Variants in ADAMTS2 observed in about 807,000 individuals in gnomAD.
ADAMTS2 encodes A disintegrin and metalloproteinase with thrombospondin motifs 2.
In ADAMTS2, 50 loss-of-function variants were observed where a neutral mutation model predicts 123.0. That is an observed-to-expected ratio of 0.41 (90% CI 0.32 to 0.51). The LOEUF (loss-of-function observed/expected upper bound fraction) is 0.51. ADAMTS2 is among the 20% of genes least tolerant of loss of function. The pLI is 0.35. For synonymous variants in ADAMTS2, 678 were observed against 695.4 expected (o/e 0.98, Z 0.39); for missense variants, 1,494 against 1,705.2 (o/e 0.88, Z 2.18).
chr5:179,138,004 T>G, intron 11 of ADAMTS2, 60 bp from the exon 12 acceptor site: 11 of 1,518,906 alleles, frequency 7.2e-6, no homozygotes, highest in South Asian at 2.4e-5. Context: ...AGCACCCGGG[T>G]GCCCTTGTGA....
In ADAMTS2 at chr5:179,162,482, C is replaced by T. The variant is rs1031798281; in HGVS notation, c.976-3603G>A. On this transcript the variant is annotated intron_variant, in intron 5 of 21. Transcript: ENST00000251582. This position sits in a 1 kb window ranked among gnomAD's most constrained non-coding sequence, Gnocchi z 5.1. ...CTGCAGTCTCATCTGAAGGCTGTAC[C>T]GGAGGCGGGTCAGCTCCCAGGCTCA... Among the ~76,000 whole-genome samples the T allele has an allele frequency of 1.1e-4, 16 of 152,116 alleles. No individual in the cohort carries two copies. Among genetic ancestry groups the T allele is most frequent in the Admixed American group, 8.5e-4 (13 of 15,276 alleles).
intron 3 of ADAMTS2, among the ~76,000 whole-genome samples, chr5:179,231,413 AAAC>A (rs1426610733): frequency 2.4e-4 from 37 of 152,330 alleles, no homozygotes; most frequent in African/African-American, 8.7e-4. Flanking sequence ...CCACAAAAGC[AAAC>A]AACAACAGCA....
Position 179,113,848 on chromosome 5 carries a change from A to G in ADAMTS2, c.*19T>C. ...TATAAGCAAGAAAAAAATGCTAGGG[A>G]TGCTATCTTTCCATTTTATTAGAAC... On this transcript the variant is annotated 3_prime_UTR_variant, in exon 22 of 22. Transcript: ENST00000251582. 1 of 1,609,938 alleles carries G rather than the reference A, an allele frequency of 6.2e-7. No homozygotes were observed. Among genetic ancestry groups the G allele is most frequent in the South Asian group, 1.1e-5 (1 of 90,992 alleles).
chr5:179,231,105 C>A (rs997852079), intron 3 of ADAMTS2, among the ~76,000 whole-genome samples: 1 of 152,114 alleles, frequency 6.6e-6, no homozygotes, highest in Non-Finnish European at 1.5e-5. Context: ...TACGCAGACC[C>A]CCTCCCCACA....
intron 2 of ADAMTS2, among the ~76,000 whole-genome samples, chr5:179,294,218 T>G (rs1350705379): frequency 6.6e-6 from 1 of 152,096 alleles, no homozygotes. Flanking sequence ...ATGCTGCCAC[T>G]GCACTCCAGC....
chr5:179,241,790 C>T (rs1327789052), intron 3 of ADAMTS2, among the ~76,000 whole-genome samples: 1 of 152,188 alleles, frequency 6.6e-6, no homozygotes, highest in Admixed American at 6.5e-5. Flanking sequence ...ATTTACAGTG[C>T]ATTAAAATAA....
chr5:179,344,269 G>A, intron 1 of ADAMTS2, 108 bp from the exon 2 acceptor site: 2 of 1,406,948 alleles, frequency 1.4e-6, no homozygotes, highest in Admixed American at 2.2e-5. Context: ...GCGAAGGGAA[G>A]GGGCATTCCG....
At chr5:179,305,257 G>T (rs1756638529) in intron 2 of ADAMTS2, among the ~76,000 whole-genome samples, 1 of 152,146 alleles carries the variant, frequency 6.6e-6, no homozygotes, top group Admixed American at 6.5e-5. Context: ...TGAACATCAG[G>T]AATAAAGGAA....
At chr5:179,204,904 T>C (rs973289544) in intron 4 of ADAMTS2, among the ~76,000 whole-genome samples, 1 of 152,226 alleles carries the variant, frequency 6.6e-6, no homozygotes, top group Non-Finnish European at 1.5e-5. Flanking sequence ...ACACGTTTGC[T>C]GAATGAATCA....
intron 2 of ADAMTS2, among the ~76,000 whole-genome samples, chr5:179,329,810 G>A (rs1445771153): frequency 6.6e-6 from 1 of 152,158 alleles, no homozygotes. Context: ...AAAGTTGGGG[G>A]CCGTAACCAC....
chr5:179,196,152 C>G, intron 4 of ADAMTS2, among the ~76,000 whole-genome samples: 1 of 152,124 alleles, frequency 6.6e-6, no homozygotes, highest in African/African-American at 2.4e-5. Context: ...GTTTGCAAAC[C>G]CTGGCAAGGC....
chr5:179,158,698 G>C lies in ADAMTS2; in HGVS notation c.1132+25C>G. 6.2e-7 allele frequency: 1 copy of C among 1,613,974 alleles called. No homozygotes were observed. Among genetic ancestry groups the C allele is most frequent in the Non-Finnish European group, 8.5e-7 (1 of 1,180,016 alleles). ...GGCTCATTTCCAGCTTCACGCCTCT[G>C]TGGCCCTGCATGGGTGAGGCTCACC... On this transcript the variant is annotated intron_variant, in intron 6 of 21. Transcript: ENST00000251582. The surrounding 1 kb of genome is among the most constrained non-coding windows in gnomAD (Gnocchi z 5.0).
At position 179,111,733 on chromosome 5, in the gene ADAMTS2, T is replaced by G. The variant is rs1466483847; in HGVS notation, c.*2134A>C. The G allele has an allele frequency of 6.6e-6, 1 of 152,274 alleles. No homozygotes were observed. The highest frequency in any genetic ancestry group is 1.9e-4 in the East Asian group (1 of 5,200). 9.4% of individuals were successfully genotyped at this position (152,274 alleles called of 1,614,324 possible). A position where few individuals can be genotyped will look rare whatever the true frequency, so the allele number is the denominator to read the frequency against. On this transcript the variant is annotated 3_prime_UTR_variant, in exon 22 of 22. Transcript: ENST00000251582. ...TCTCTGCCTAGCGTTAGTCCTGAAC[T>G]TCCTCCACATCCTAGGACAGACCCA...
chr5:179,111,478 G>C lies in ADAMTS2; in HGVS notation c.*2389C>G, dbSNP rs1170156372. 1.3e-5 allele frequency: 2 copies of C among 152,298 alleles called. No individual in the cohort carries two copies. The highest frequency in any genetic ancestry group is 2.9e-5 in the Non-Finnish European group (2 of 68,078). The allele number at this position is 152,298 out of a possible 1,614,324, so 9.4% of individuals were successfully genotyped here. ...GACTTTTGAGGACCATCCGGCTCTAGAGGACTCTTGATATATGGCTCAAGG... is the reference window on the plus strand; with the variant it reads ...GACTTTTGAGGACCATCCGGCTCTACAGGACTCTTGATATATGGCTCAAGG... On this transcript the variant is annotated 3_prime_UTR_variant, in exon 22 of 22. Transcript: ENST00000251582.
intron 5 of ADAMTS2, among the ~76,000 whole-genome samples, chr5:179,159,113 CAG>C (rs1450046083): frequency 6.6e-6 from 1 of 152,228 alleles, no homozygotes; most frequent in Non-Finnish European, 1.5e-5. Flanking sequence ...AAAGTCACCG[CAG>C]TTTTCAGGTG....
intron 2 of ADAMTS2, among the ~76,000 whole-genome samples, chr5:179,310,812 G>A (rs1756810957): frequency 6.6e-6 from 1 of 152,136 alleles, no homozygotes; most frequent in African/African-American, 2.4e-5. Flanking sequence ...GGACGCAGAG[G>A]CATCAGGGCC....
At chr5:179,255,043 A>C (rs2113475921) in intron 3 of ADAMTS2, among the ~76,000 whole-genome samples, 1 of 152,142 alleles carries the variant, frequency 6.6e-6, no homozygotes, top group East Asian at 1.9e-4. Flanking sequence ...TGGATAAATA[A>C]TTGGATGGAT....
At chr5:179,217,857 AGGG>A (rs1268617681) in intron 3 of ADAMTS2, among the ~76,000 whole-genome samples, 41 of 48,878 alleles carry the variant, frequency 8.4e-4, no homozygotes, top group African/African-American at 3.8e-3. Flanking sequence ...CTCACTAGGT[AGGG>A]GATGGCCTGA....
At chr5:179,136,519 G>T (rs1000563399) in intron 12 of ADAMTS2, among the ~76,000 whole-genome samples, 1 of 151,922 alleles carries the variant, frequency 6.6e-6, no homozygotes, top group Admixed American at 6.6e-5. Flanking sequence ...ACAAAAATTA[G>T]CTGGGTGTGG....
Sources: allele counts gnomAD v4.1 joint callset (sites outside exome capture counted in the v4.1 genomes callset), GRCh38; gene constraint gnomAD v4.1.1; non-coding constraint Gnocchi (gnomAD v3.1); transcripts MANE v1.5; gene names NCBI Gene and HGNC (gene_info 2026-07-23, HGNC 2026-07-21).